The following ANO3 variants were observed in gnomAD, a reference collection of about 807,000 sequenced individuals.
The protein encoded by ANO3 is anoctamin-3.
A neutral mutation model predicts 144.8 loss-of-function variants in ANO3; 99 were observed. The ratio of observed to expected loss-of-function variants is 0.68; its 90% confidence interval spans 0.58 to 0.81. The LOEUF (loss-of-function observed/expected upper bound fraction) is 0.81. Among genes scored for constraint, ANO3 ranks in the 30% least tolerant of loss-of-function variants. ANO3 has a pLI of 0.00. For missense variants in ANO3, 905 were observed against 1,202.2 expected (o/e 0.75, Z 3.66); for synonymous variants, 414 against 392.6 (o/e 1.05, Z -0.64).
At chr11:26,292,258 A>G (rs559810288) in intron 1 of ANO3, among the ~76,000 whole-genome samples, 3 of 152,114 alleles carry the variant, frequency 2.0e-5, no homozygotes, top group African/African-American at 7.2e-5. Flanking sequence ...TTTCAGCTCC[A>G]TCAGGTCATT....
At chr11:26,449,030 TC>T (rs1239358934) in intron 3 of ANO3, among the ~76,000 whole-genome samples, 1 of 152,156 alleles carries the variant, frequency 6.6e-6, no homozygotes, top group Non-Finnish European at 1.5e-5. Context: ...TCTCCAGGTT[TC>T]CCATTACATT....
rs555450227 is a variant in ANO3 at position 26,284,748 on chromosome 11, C to CA, written c.155-24889dup. On this transcript the variant is annotated intron_variant, in intron 1 of 27. Transcript: ENST00000672621. ...CCCCGTCTCTACTAAAAAAAAAATACAAAAAAAATTAGCCGGGCGTGCTGG... is the reference window on the plus strand; with the variant it reads ...CCCCGTCTCTACTAAAAAAAAAATACAAAAAAAAATTAGCCGGGCGTGCTGG... 1.4e-3 allele frequency among the ~76,000 whole-genome samples: 219 copies of CA among 151,242 alleles called. 1 individual carries two copies. The highest frequency in any genetic ancestry group is 5.0e-3 in the African/African-American group (205 of 41,222).
chr11:26,235,588 T>C (rs1290477224), intron 1 of ANO3, among the ~76,000 whole-genome samples: 1 of 136,180 alleles, frequency 7.3e-6, no homozygotes, highest in Non-Finnish European at 1.6e-5. Flanking sequence ...AGTTTAACAA[T>C]GTATACTTTT....
chr11:26,437,724 T>G (rs751478674), intron 1 of ANO3, among the ~76,000 whole-genome samples: 1 of 152,204 alleles, frequency 6.6e-6, no homozygotes, highest in Non-Finnish European at 1.5e-5. Flanking sequence ...GTGTCTATTC[T>G]TCCCATGTTT....
intron 1 of ANO3, among the ~76,000 whole-genome samples, chr11:26,299,318 G>A (rs77345242): frequency 0.039 from 5,954 of 152,180 alleles, 404 homozygotes; most frequent in African/African-American, 0.14. Context: ...GAAGCTGAAG[G>A]TTAAGAATTC....
At chr11:26,648,717 A>G (rs1359996218) in intron 24 of ANO3, among the ~76,000 whole-genome samples, 1 of 152,172 alleles carries the variant, frequency 6.6e-6, no homozygotes, top group East Asian at 1.9e-4. Context: ...TGAGGAACGG[A>G]GAGGAGTTGG....
chr11:26,564,692 T>TATATAC lies in ANO3; in HGVS notation c.1447+4914_1447+4915insTATACA, dbSNP rs1554970707. 1.0e-3 allele frequency among the ~76,000 whole-genome samples: 42 copies of TATATAC among 41,124 alleles called. 2 individuals carry two copies. The highest frequency in any genetic ancestry group is 9.1e-3 in the Admixed American group (29 of 3,174). The allele number at this position is 41,124 out of a possible 152,430, so 27.0% of individuals were successfully genotyped here. A position where few individuals can be genotyped will look rare whatever the true frequency, so the allele number is the denominator to read the frequency against. On this transcript the variant is annotated intron_variant, in intron 14 of 26. Transcript: ENST00000256737. ...ACTCATATATATATACTCATATATA[T>TATATAC]ACACACACACACACACACACACACA...
At chr11:26,360,879 A>T (rs1046132577) in intron 1 of ANO3, among the ~76,000 whole-genome samples, 1 of 152,224 alleles carries the variant, frequency 6.6e-6, no homozygotes, top group Non-Finnish European at 1.5e-5. Flanking sequence ...GACAAGTGAT[A>T]AGAATGTTTG....
At chr11:26,464,919 T>C (rs1454465117) in intron 4 of ANO3, among the ~76,000 whole-genome samples, 3 of 151,926 alleles carry the variant, frequency 2.0e-5, no homozygotes, top group African/African-American at 7.2e-5. Context: ...AACCAGAATG[T>C]TTAAATGCCA....
chr11:26,290,840 A>C (rs1853939905), intron 1 of ANO3, among the ~76,000 whole-genome samples: 1 of 152,162 alleles, frequency 6.6e-6, no homozygotes, highest in Admixed American at 6.5e-5. Flanking sequence ...CAATGTGGAC[A>C]ATTTTGGAAT....
At chr11:26,373,205 T>G (rs889587217) in intron 1 of ANO3, among the ~76,000 whole-genome samples, 2 of 152,318 alleles carry the variant, frequency 1.3e-5, no homozygotes, top group Middle Eastern at 3.4e-3. Flanking sequence ...GATATGTATC[T>G]CCACCTAAAT....
chr11:26,409,016 C>A lies in ANO3; in HGVS notation c.47-32902C>A, dbSNP rs1203340601. On this transcript the variant is annotated intron_variant, in intron 1 of 26. Transcript: ENST00000256737. The stretch of plus-strand genomic sequence containing the variant: ...GGGAGGGCTAGCATTAGGAGATATA[C>A]CTAATGCTAAATGACGAGTTAATGG... Among the ~76,000 whole-genome samples the A allele has an allele frequency of 7.9e-5, 12 of 151,736 alleles. No individual in the cohort carries two copies. In the South Asian group the frequency reaches 2.5e-3, roughly 32 times the overall value.
upstream of ANO3, among the ~76,000 whole-genome samples, chr11:26,330,166 C>T (rs1394144314): frequency 6.6e-6 from 1 of 152,128 alleles, no homozygotes; most frequent in East Asian, 1.9e-4. Context: ...AATTCATTGT[C>T]TAATCCTCAC....
At chr11:26,484,954 T>G (rs1292104588) in intron 4 of ANO3, among the ~76,000 whole-genome samples, 1 of 152,202 alleles carries the variant, frequency 6.6e-6, no homozygotes, top group Non-Finnish European at 1.5e-5. Context: ...CCCTTTGTTT[T>G]GTCAAATTTC....
chr11:26,525,691 A>C lies in ANO3; in HGVS notation c.737+12A>C. On this transcript the variant is annotated intron_variant, in intron 7 of 26. Coordinates refer to ENST00000256737, the MANE Select transcript of ANO3 (RefSeq NM_031418.4). ...AAATCAATGGGCAGGTTGGTGGGTG[A>C]TGAATCATTTCTTTATAACAAATTT... 1 of 1,603,020 alleles carries C rather than the reference A, an allele frequency of 6.2e-7. No homozygotes were observed. The highest frequency in any genetic ancestry group is 8.5e-7 in the Non-Finnish European group (1 of 1,174,318).
At chr11:26,407,072 G>GTATATATATATATATATA (rs1453977441) in intron 1 of ANO3, among the ~76,000 whole-genome samples, 3 of 101,424 alleles carry the variant, frequency 3.0e-5, no homozygotes, top group Non-Finnish European at 4.2e-5. Context: ...GTGTGTGTGT[G>GTATATATATATATATATA]TGTGTATATA....
At chr11:26,658,351 C>T (rs925292635) in intron 26 of ANO3, among the ~76,000 whole-genome samples, 8 of 152,116 alleles carry the variant, frequency 5.3e-5, no homozygotes, top group South Asian at 2.1e-4. Flanking sequence ...TGGTGGCTCA[C>T]GCCTGTAATC....
intron 6 of ANO3, 72 bp downstream of exon 6, chr11:26,516,999 C>A: frequency 2.6e-6 from 2 of 767,630 alleles, no homozygotes; most frequent in South Asian, 2.0e-5. Flanking sequence ...CACCTTAGAG[C>A]AACAAATGCA....
intron 4 of ANO3, among the ~76,000 whole-genome samples, chr11:26,463,667 T>C (rs1317816913): frequency 6.6e-6 from 1 of 152,028 alleles, no homozygotes; most frequent in East Asian, 1.9e-4. Context: ...ATTGAAATTA[T>C]AGTTCACCAA....
Sources: allele counts gnomAD v4.1 joint callset (sites outside exome capture counted in the v4.1 genomes callset), GRCh38; gene constraint gnomAD v4.1.1; transcripts MANE v1.5; gene names NCBI Gene and HGNC (gene_info 2026-07-23, HGNC 2026-07-21).